The following AGAP1 variants were observed in gnomAD, a reference collection of about 807,000 sequenced individuals.
AGAP1 encodes arf-GAP with GTPase, ANK repeat and PH domain-containing protein 1.
In AGAP1, 29 loss-of-function variants were observed where a neutral mutation model predicts 105.3. The ratio of observed to expected loss-of-function variants is 0.28; its 90% CI spans 0.21 to 0.38. The LOEUF is 0.38. Ranked by LOEUF, AGAP1 falls within the 10% of genes least tolerant of loss-of-function variation. The pLI is 1.00. For synonymous variants in AGAP1, 509 were observed against 485.9 expected (o/e 1.05, Z -0.63); for missense variants, 998 against 1,165.1 (o/e 0.86, Z 2.09).
intron 10 of AGAP1, among the ~76,000 whole-genome samples, chr2:235,907,360 CT>C (rs2051355941): frequency 6.6e-6 from 1 of 152,060 alleles, no homozygotes. Flanking sequence ...AACCCCAGTG[CT>C]TTGGGAGGCT....
At position 235,601,040 on chromosome 2, in the gene AGAP1, T is replaced by C. The variant is rs1945714606; in HGVS notation, c.163+106191T>C. 6.6e-6 allele frequency among the ~76,000 whole-genome samples: 1 copy of C among 152,204 alleles called. No individual in the cohort carries two copies. Among genetic ancestry groups the C allele is most frequent in the Non-Finnish European group, 1.5e-5 (1 of 68,030 alleles). On this transcript the variant is annotated intron_variant, in intron 1 of 17. Transcript: ENST00000304032. The surrounding 1 kb of genome is among the most constrained non-coding windows in gnomAD (Gnocchi z 4.4). ...CACTGCCTTCAGTATCCAGCCAAGC[T>C]GGGAAACGCCACTGCCACAGTACCT... is the stretch of plus-strand genomic sequence containing the variant.
rs1298407467 is a variant in AGAP1 at position 235,872,552 on chromosome 2, C to T, written c.1051-10793C>T. The stretch of plus-strand genomic sequence containing the variant: ...GAGCATCTCAGGCAGAGCCTTCCGG[C>T]CTCTGTCATCTTCTGGCCAGTAGGA... On this transcript the variant is annotated intron_variant, in intron 9 of 17. Transcript: ENST00000304032. This position sits in a 1 kb window ranked among gnomAD's most constrained non-coding sequence, Gnocchi z 4.5. Among the ~76,000 whole-genome samples, 1 of 152,204 alleles carries T rather than the reference C, an allele frequency of 6.6e-6. No homozygotes were observed. Among genetic ancestry groups the T allele is most frequent in the African/African-American group, 2.4e-5 (1 of 41,458 alleles).
chr2:235,500,106 G>A (rs190593851), intron 1 of AGAP1, among the ~76,000 whole-genome samples: 1 of 152,146 alleles, frequency 6.6e-6, no homozygotes. Context: ...ACTGTAGGTA[G>A]GGGAAGCAAA....
chr2:235,869,208 G>A (rs577253672), intron 9 of AGAP1, among the ~76,000 whole-genome samples: 32 of 152,096 alleles, frequency 2.1e-4, no homozygotes, highest in Middle Eastern at 6.8e-3. Flanking sequence ...TTTGTACCTC[G>A]AATCTTGCGC....
At chr2:235,587,115 G>T (rs1343497092) in intron 1 of AGAP1, among the ~76,000 whole-genome samples, 2 of 152,180 alleles carry the variant, frequency 1.3e-5, no homozygotes, top group Non-Finnish European at 2.9e-5. Flanking sequence ...GTATGGAGAA[G>T]GTATTACCCA....
rs1946099146 is a variant in AGAP1, at chr2:235,610,742, C to T, written c.164-98437C>T. Among the ~76,000 whole-genome samples the T allele has an allele frequency of 6.6e-6, 1 of 152,128 alleles. No individual in the cohort carries two copies. Among genetic ancestry groups the T allele is most frequent in the Non-Finnish European group, 1.5e-5 (1 of 68,026 alleles). ...CACTGTGCTCCCGTGAGCTCCCTGC[C>T]CTGGAGTGGAAACCCTGGGCTGGGG... On this transcript the variant is annotated intron_variant, in intron 1 of 17. Coordinates refer to ENST00000304032, the MANE Select transcript of AGAP1 (RefSeq NM_001037131.3). The surrounding 1 kb of genome is among the most constrained non-coding windows in gnomAD (Gnocchi z 4.9).
chr2:235,867,867 CA>C lies in AGAP1; in HGVS notation c.1051-15477del, dbSNP rs2049257616. 6.6e-6 allele frequency among the ~76,000 whole-genome samples: 1 copy of C among 152,048 alleles called. No individual in the cohort carries two copies. Among genetic ancestry groups the C allele is most frequent in the Admixed American group, 6.6e-5 (1 of 15,266 alleles). On this transcript the variant is annotated intron_variant, in intron 9 of 17. Coordinates refer to ENST00000304032, the MANE Select transcript of AGAP1 (RefSeq NM_001037131.3). The surrounding 1 kb of genome is among the most constrained non-coding windows in gnomAD (Gnocchi z 5.4). Reference sequence around the variant, plus strand: ...TCTCCAGTTTCCAATGATGACATTCCATCCACCCACCACCCACCCAGATGCG... The same window carrying C: ...TCTCCAGTTTCCAATGATGACATTCCTCCACCCACCACCCACCCAGATGCG...
intron 9 of AGAP1, among the ~76,000 whole-genome samples, chr2:235,818,644 T>C (rs1958599630): frequency 6.6e-6 from 1 of 152,162 alleles, no homozygotes; most frequent in South Asian, 2.1e-4. Flanking sequence ...GGTTTCACCA[T>C]GTTAGTCAGG....
rs925415239 is a variant in AGAP1 at position 236,001,195 on chromosome 2, C to T, written c.1645+32572C>T. ...GTGGGGCAGAGAATGCTGAGATAAA[C>T]GCCACCATCAGAAACCAAGAGAAAG... is the stretch of plus-strand genomic sequence containing the variant. On this transcript the variant is annotated intron_variant, in intron 13 of 17. Coordinates refer to ENST00000304032, the MANE Select transcript of AGAP1 (RefSeq NM_001037131.3). This position sits in a 1 kb window ranked among gnomAD's most constrained non-coding sequence, Gnocchi z 4.7. Among the ~76,000 whole-genome samples, 12 of 152,156 alleles carry T rather than the reference C, an allele frequency of 7.9e-5. No homozygotes were observed. Among genetic ancestry groups the T allele is most frequent in the African/African-American group, 2.4e-4 (10 of 41,442 alleles).
intron 1 of AGAP1, among the ~76,000 whole-genome samples, chr2:235,697,597 T>G (rs1232049539): frequency 6.6e-6 from 1 of 152,170 alleles, no homozygotes; most frequent in East Asian, 1.9e-4. Context: ...CCCAACCAAT[T>G]TCTTAGTCTG....
In AGAP1 at chr2:236,066,267, G is replaced by A. The variant is rs146125118; in HGVS notation, c.2114+16986G>A. ...TTTTGAGACAGAGTCTCACTCTGTC[G>A]CCCTAGCTGGTGCAGTGGCACAATC... On this transcript the variant is annotated intron_variant, in intron 16 of 17. Coordinates refer to ENST00000304032, the MANE Select transcript of AGAP1 (RefSeq NM_001037131.3). 4.7e-3 allele frequency among the ~76,000 whole-genome samples: 714 copies of A among 152,152 alleles called. 4 individuals carry two copies. Among genetic ancestry groups the A allele is most frequent in the African/African-American group, 0.016 (681 of 41,500 alleles).
chr2:235,564,171 CTT>C (rs1390027436), intron 1 of AGAP1, among the ~76,000 whole-genome samples: 3 of 152,190 alleles, frequency 2.0e-5, no homozygotes, highest in African/African-American at 7.2e-5. Context: ...TAGCCCTGGC[CTT>C]TATCCATCGA....
At position 235,901,063 on chromosome 2, in the gene AGAP1, C is replaced by A. The variant is rs1480275530; in HGVS notation, c.1156-7675C>A. On this transcript the variant is annotated intron_variant, in intron 10 of 17. Coordinates refer to ENST00000304032, the MANE Select transcript of AGAP1 (RefSeq NM_001037131.3). This position sits in a 1 kb window ranked among gnomAD's most constrained non-coding sequence, Gnocchi z 4.3. The stretch of plus-strand genomic sequence containing the variant: ...GGCCAGAAGATTTTTCATAGTTTTA[C>A]AATATTTTCACAGTATTTTTAGGAG... 6.6e-6 allele frequency among the ~76,000 whole-genome samples: 1 copy of A among 152,190 alleles called. No homozygotes were observed. Among genetic ancestry groups the A allele is most frequent in the South Asian group, 2.1e-4 (1 of 4,822 alleles).
intron 16 of AGAP1, among the ~76,000 whole-genome samples, chr2:236,110,961 C>T (rs2059624683): frequency 2.0e-5 from 3 of 152,214 alleles, no homozygotes; most frequent in Admixed American, 2.0e-4. Context: ...GAGAATACCT[C>T]ATTGCTACGT....
At position 235,744,511 on chromosome 2, in the gene AGAP1, G is replaced by A. The variant is rs1952781360; in HGVS notation, c.397-187G>A. ...CATTCCCAAGGGGAACACCAGGCAT[G>A]GTGTGCTCAGGAGGAGGACGTGGAT... On this transcript the variant is annotated intron_variant, in intron 4 of 17. Transcript: ENST00000304032. This position sits in a 1 kb window ranked among gnomAD's most constrained non-coding sequence, Gnocchi z 5.2. Among the ~76,000 whole-genome samples, 1 of 152,168 alleles carries A rather than the reference G, an allele frequency of 6.6e-6. No individual in the cohort carries two copies. The highest frequency in any genetic ancestry group is 2.4e-5 in the African/African-American group (1 of 41,450).
rs1481223986 is a variant in AGAP1, at chr2:235,612,278, G to T, written c.164-96901G>T. On this transcript the variant is annotated intron_variant, in intron 1 of 17. Coordinates refer to ENST00000304032, the MANE Select transcript of AGAP1 (RefSeq NM_001037131.3). This position sits in a 1 kb window ranked among gnomAD's most constrained non-coding sequence, Gnocchi z 4.3. Reference sequence around the variant, plus strand: ...AGCACCTTTCATCTCAGGGGTGCTTGTGAATTGATTGCACCCCTCCTGTGG... The same window carrying T: ...AGCACCTTTCATCTCAGGGGTGCTTTTGAATTGATTGCACCCCTCCTGTGG... Among the ~76,000 whole-genome samples, 2 of 152,196 alleles carry T rather than the reference G, an allele frequency of 1.3e-5. No homozygotes were observed. The highest frequency in any genetic ancestry group is 2.9e-5 in the Non-Finnish European group (2 of 68,044).
At position 235,830,113 on chromosome 2, in the gene AGAP1, G is replaced by T. The variant is rs1404043621; in HGVS notation, c.1050+22782G>T. 2.6e-5 allele frequency among the ~76,000 whole-genome samples: 4 copies of T among 152,138 alleles called. No individual in the cohort carries two copies. The highest frequency in any genetic ancestry group is 6.5e-5 in the Admixed American group (1 of 15,286). On this transcript the variant is annotated intron_variant, in intron 9 of 17. Transcript: ENST00000304032. The surrounding 1 kb of genome is among the most constrained non-coding windows in gnomAD (Gnocchi z 5.5). ...AGTCGTTCTCATTTGTGAAGACACT[G>T]TCCAGGGCTAAGGCAGTACTTGCCA...
chr2:235,863,053 A>G (rs987447148), intron 9 of AGAP1, among the ~76,000 whole-genome samples: 7 of 152,198 alleles, frequency 4.6e-5, no homozygotes, highest in Admixed American at 3.9e-4. Flanking sequence ...CTTAACCTCC[A>G]TGAAACTTTT....
At chr2:235,926,620 A>G (rs923334676) in intron 11 of AGAP1, among the ~76,000 whole-genome samples, 9 of 152,212 alleles carry the variant, frequency 5.9e-5, no homozygotes, top group African/African-American at 2.2e-4. Flanking sequence ...GTTTTTCTGA[A>G]AGAAAATTTA....
Sources: allele counts gnomAD v4.1 joint callset (sites outside exome capture counted in the v4.1 genomes callset), GRCh38; gene constraint gnomAD v4.1.1; non-coding constraint Gnocchi (gnomAD v3.1); transcripts MANE v1.5; gene names NCBI Gene and HGNC (gene_info 2026-07-23, HGNC 2026-07-21).